MALRD1: variants seen among roughly 807,000 people sequenced by gnomAD.
The protein encoded by MALRD1 is MAM and LDL-receptor class A domain-containing protein 1.
Under a neutral mutation model 242.1 loss-of-function variants are expected in MALRD1, and 247 were observed. The ratio of observed to expected loss-of-function variants is 1.02; its 90% CI spans 0.92 to 1.13. The LOEUF is 1.13. MALRD1 is among the 50% of genes most tolerant of loss of function. The pLI, the probability that MALRD1 is intolerant of heterozygous loss-of-function variation, is 0.00. For synonymous variants in MALRD1, 995 were observed against 866.6 expected (o/e 1.15, Z -2.60); for missense variants, 2,989 against 2,533.1 (o/e 1.18, Z -3.86).
In MALRD1 at chr10:19,717,936, G is replaced by A. The variant is rs571828592; in HGVS notation, c.6315-12770G>A. On this transcript the variant is annotated intron_variant, in intron 38 of 39. Coordinates refer to ENST00000454679, the MANE Select transcript of MALRD1 (RefSeq NM_001142308.3). ...GGAGGCTGAGACATGAGAATCATTT[G>A]GACCCAGGAGGTGGAGGCTGCAGTG... Among the ~76,000 whole-genome samples, 12 of 151,976 alleles carry A rather than the reference G, an allele frequency of 7.9e-5. No individual in the cohort carries two copies. The South Asian group carries it at 1.9e-3, about 24-fold the overall frequency.
At chr10:19,292,866 C>T (rs964652790) in intron 21 of MALRD1, among the ~76,000 whole-genome samples, 5 of 136,486 alleles carry the variant, frequency 3.7e-5, no homozygotes, top group Non-Finnish European at 1.5e-5. Flanking sequence ...GCACTCCAGC[C>T]TGGGCAACAG....
intron 22 of MALRD1, among the ~76,000 whole-genome samples, chr10:19,325,319 C>T (rs1204294353): frequency 6.6e-6 from 1 of 151,834 alleles, no homozygotes; most frequent in African/African-American, 2.4e-5. Flanking sequence ...ATTCTTTGAG[C>T]ATATTCTTTC....
At chr10:19,698,583 G>C (rs1295566419) in intron 38 of MALRD1, among the ~76,000 whole-genome samples, 1 of 152,162 alleles carries the variant, frequency 6.6e-6, no homozygotes, top group Non-Finnish European at 1.5e-5. Flanking sequence ...TTTCCTGGGA[G>C]AAGAAATGGG....
In MALRD1 at chr10:19,567,429, T is replaced by A. The variant is rs1363578235; in HGVS notation, c.5479-73T>A. The A allele has an allele frequency of 5.5e-6, 7 of 1,262,282 alleles. No individual in the cohort carries two copies. In the East Asian group the frequency reaches 7.6e-5, roughly 14 times the overall value. 78.2% of individuals were successfully genotyped at this position (1,262,282 alleles called of 1,614,324 possible). A position where few individuals can be genotyped will look rare whatever the true frequency, so the allele number is the denominator to read the frequency against. On this transcript the variant is annotated intron_variant, in intron 32 of 39. Coordinates refer to ENST00000454679, the MANE Select transcript of MALRD1 (RefSeq NM_001142308.3). ...TTACATAGCCAGAGATTTCATTCTT[T>A]CATCAATCATCTGGATGTCCTGATA...
At chr10:19,254,337 T>G (rs1408707976) in intron 18 of MALRD1, among the ~76,000 whole-genome samples, 2 of 152,022 alleles carry the variant, frequency 1.3e-5, no homozygotes, top group East Asian at 3.9e-4. Flanking sequence ...ATACTGCAAT[T>G]TGCTTATCTG....
Position 19,450,458 on chromosome 10 carries a change from T to A in MALRD1, c.4997T>A (p.Ile1666Asn). 1 of 1,549,812 alleles carries A rather than the reference T, an allele frequency of 6.5e-7. No homozygotes were observed. The highest frequency in any genetic ancestry group is 1.2e-5 in the South Asian group (1 of 83,736). The change falls in exon 29 of 40, where the codon ATT becomes AAT. Residue 1666 changes from isoleucine to asparagine, a missense_variant. Coordinates refer to ENST00000454679, the MANE Select transcript of MALRD1 (RefSeq NM_001142308.3). ...AGGGACCTGGGAGGAGGAGCTGCAATTGATGATATTGAATTTAAAAACTGC... is the reference window on the plus strand; with the variant it reads ...AGGGACCTGGGAGGAGGAGCTGCAAATGATGATATTGAATTTAAAAACTGC... ...RTRDLGGGAA[I>N]DDIEFKNCTT...
chr10:19,355,402 AATT>A (rs1429750826), intron 26 of MALRD1, among the ~76,000 whole-genome samples: 1 of 146,972 alleles, frequency 6.8e-6, no homozygotes, highest in Non-Finnish European at 1.5e-5. Context: ...ATAAAAGGTT[AATT>A]ATATTAAACA....
At chr10:19,429,324 CT>C (rs1413464787) in intron 28 of MALRD1, among the ~76,000 whole-genome samples, 1 of 151,986 alleles carries the variant, frequency 6.6e-6, no homozygotes, top group Non-Finnish European at 1.5e-5. Context: ...AATCCCAGCA[CT>C]TCAGGAGGCC....
intron 36 of MALRD1, among the ~76,000 whole-genome samples, chr10:19,621,598 G>A (rs1230290172): frequency 1.3e-5 from 2 of 151,482 alleles, no homozygotes; most frequent in Admixed American, 6.6e-5. Flanking sequence ...GGAAGAAAAA[G>A]AACATGCATA....
intron 32 of MALRD1, among the ~76,000 whole-genome samples, chr10:19,536,852 G>A (rs1834704343): frequency 1.3e-5 from 2 of 152,116 alleles, no homozygotes; most frequent in Admixed American, 6.6e-5. Flanking sequence ...ATACAGCACT[G>A]GAGCAAATAA....
intron 31 of MALRD1, among the ~76,000 whole-genome samples, chr10:19,513,566 C>T (rs937288555): frequency 3.3e-5 from 5 of 151,906 alleles, no homozygotes; most frequent in East Asian, 1.9e-4. Flanking sequence ...AGGGAAACCC[C>T]GTCTCTACTA....
At chr10:19,584,504 G>A (rs1462361769) in intron 33 of MALRD1, among the ~76,000 whole-genome samples, 3 of 152,146 alleles carry the variant, frequency 2.0e-5, no homozygotes, top group Non-Finnish European at 4.4e-5. Flanking sequence ...TTCAGGAGCA[G>A]GTTGGTCAGT....
chr10:19,163,298 A>G (rs1588634863), intron 12 of MALRD1, among the ~76,000 whole-genome samples: 1 of 152,042 alleles, frequency 6.6e-6, no homozygotes, highest in South Asian at 2.1e-4. Context: ...AGTGGTACAT[A>G]TGTACTGCGG....
intron 38 of MALRD1, among the ~76,000 whole-genome samples, chr10:19,729,989 G>A (rs1330323796): frequency 3.0e-4 from 45 of 151,530 alleles, no homozygotes; most frequent in African/African-American, 9.0e-4. Context: ...CGCCCGCCTC[G>A]GCCTCCCGAA....
At chr10:19,084,098 A>G (rs1835585141) in intron 2 of MALRD1, among the ~76,000 whole-genome samples, 1 of 151,990 alleles carries the variant, frequency 6.6e-6, no homozygotes, top group Non-Finnish European at 1.5e-5. Flanking sequence ...AACTTGTAGT[A>G]ATGATAAGGG....
chr10:19,686,421 C>A (rs1187867015), intron 36 of MALRD1, among the ~76,000 whole-genome samples: 1 of 152,184 alleles, frequency 6.6e-6, no homozygotes. Context: ...TCTTCCCTTA[C>A]CAGTCCAACA....
intron 33 of MALRD1, among the ~76,000 whole-genome samples, chr10:19,593,328 G>C (rs1201894664): frequency 6.6e-6 from 1 of 152,096 alleles, no homozygotes; most frequent in Admixed American, 6.6e-5. Context: ...ATATATCTCA[G>C]ATACATGGCT....
chr10:19,073,074 C>T (rs879660368), intron 2 of MALRD1, among the ~76,000 whole-genome samples: 4 of 151,650 alleles, frequency 2.6e-5, no homozygotes, highest in Non-Finnish European at 4.4e-5. Context: ...GCCACCATGC[C>T]CGGCTAATCC....
chr10:19,293,922 A>G (rs2131932112), intron 21 of MALRD1, among the ~76,000 whole-genome samples: 1 of 152,310 alleles, frequency 6.6e-6, no homozygotes, highest in South Asian at 2.1e-4. Context: ...AAAAAAACGA[A>G]ATGCAGTCGC....
Sources: allele counts gnomAD v4.1 joint callset (sites outside exome capture counted in the v4.1 genomes callset), GRCh38; gene constraint gnomAD v4.1.1; transcripts MANE v1.5; gene names NCBI Gene and HGNC (gene_info 2026-07-23, HGNC 2026-07-21).